Variants in BTG4 observed in about 807,000 individuals in gnomAD.
BTG4 encodes protein BTG4.
A neutral mutation model predicts 19.3 loss-of-function variants in BTG4; 10 were observed. The ratio of observed to expected loss-of-function variants is 0.52; its 90% CI spans 0.32 to 0.88. BTG4 has a LOEUF of 0.88. Ranked by LOEUF, BTG4 falls within the 40% of genes least tolerant of loss-of-function variation. The pLI is 0.04. For synonymous variants in BTG4, 91 were observed against 95.7 expected (o/e 0.95, Z 0.29); for missense variants, 238 against 281.9 (o/e 0.84, Z 1.11).
At chr11:111,478,352 T>C (rs1231605620) in intron 5 of BTG4, among the ~76,000 whole-genome samples, 1 of 152,168 alleles carries the variant, frequency 6.6e-6, no homozygotes. Flanking sequence ...AAAGCAGCAC[T>C]CCCTTCTCTC....
At chr11:111,454,167 G>A in the BTG4 span, 1 of 404,320 alleles carries the variant, frequency 2.5e-6, no homozygotes, top group Non-Finnish European at 4.8e-6. Flanking sequence ...GAAGATGCAT[G>A]GAAGATCTGT....
chr11:111,497,094 A>C (rs552244361), intron 4 of BTG4, 117 bp downstream of exon 4: 1 of 1,047,324 alleles, frequency 9.5e-7, no homozygotes, highest in East Asian at 2.6e-5. Flanking sequence ...TCTGGCTTTT[A>C]AAAATCTACA....
chr11:111,476,135 T>TACACACACACACACAC (rs55989357), intron 5 of BTG4, among the ~76,000 whole-genome samples: 48 of 148,846 alleles, frequency 3.2e-4, no homozygotes, highest in African/African-American at 1.2e-3. Context: ...CCAGAATAGA[T>TACACACACACACACAC]ACACACACAC....
intron 5 of BTG4, among the ~76,000 whole-genome samples, chr11:111,482,791 T>A (rs1864820175): frequency 6.6e-6 from 1 of 151,602 alleles, no homozygotes; most frequent in Non-Finnish European, 1.5e-5. Flanking sequence ...ATACAAAAAA[T>A]TAACTCAAAA....
chr11:111,470,685 G>T (rs11213918), intron 5 of BTG4, among the ~76,000 whole-genome samples: 2 of 152,186 alleles, frequency 1.3e-5, no homozygotes, highest in African/African-American at 2.4e-5. Context: ...GGGAGGCCGA[G>T]GCAGAAAGAT....
At chr11:111,403,204 G>C in the BTG4 span, among the ~76,000 whole-genome samples, 2 of 152,166 alleles carry the variant, frequency 1.3e-5, no homozygotes, top group Non-Finnish European at 2.9e-5. Flanking sequence ...CCTCAAAGTA[G>C]AGCCTCAGGT....
At chr11:111,416,916 C>T in the BTG4 span, 1 of 152,338 alleles carries the variant, frequency 6.6e-6, no homozygotes, top group South Asian at 2.1e-4. Flanking sequence ...AGGAGCCACG[C>T]TGGGCCTGCG....
At chr11:111,496,189 A>G (rs979979607) in intron 4 of BTG4, among the ~76,000 whole-genome samples, 2 of 152,244 alleles carry the variant, frequency 1.3e-5, no homozygotes, top group Non-Finnish European at 2.9e-5. Flanking sequence ...TGTATTATAT[A>G]TGCATATCAT....
chr11:111,500,199 C>T lies in BTG4; in HGVS notation c.-26-1397G>A, dbSNP rs563304968. On this transcript the variant is annotated intron_variant, in intron 1 of 4. Coordinates refer to ENST00000692032, the MANE Select transcript of BTG4 (RefSeq NM_001367975.1). ...CAGATTCTTGGACCTTATTTCAGAT[C>T]TGCTGAAGCAACTCTTCTCAAGGTA... 6.2e-4 allele frequency among the ~76,000 whole-genome samples: 94 copies of T among 152,186 alleles called. 1 individual carries two copies. The highest frequency in any genetic ancestry group is 9.8e-4 in the Admixed American group (15 of 15,298).
chr11:111,404,167 C>G, the BTG4 span, among the ~76,000 whole-genome samples: 1 of 152,160 alleles, frequency 6.6e-6, no homozygotes, highest in African/African-American at 2.4e-5. Flanking sequence ...GTTCTCTTTT[C>G]TTGCCTGCCA....
intron 5 of BTG4, among the ~76,000 whole-genome samples, chr11:111,485,199 A>G (rs1212651372): frequency 6.6e-6 from 1 of 152,102 alleles, no homozygotes; most frequent in East Asian, 1.9e-4. Context: ...TGGACAGATG[A>G]CCCCAATAGA....
the BTG4 span, among the ~76,000 whole-genome samples, chr11:111,437,388 T>G: frequency 1.3e-5 from 2 of 151,930 alleles, no homozygotes; most frequent in East Asian, 3.9e-4. Flanking sequence ...CCCAGATGAG[T>G]CCAGGGACTC....
chr11:111,489,609 AG>A (rs1865288221), intron 5 of BTG4, among the ~76,000 whole-genome samples: 1 of 152,246 alleles, frequency 6.6e-6, no homozygotes, highest in South Asian at 2.1e-4. Flanking sequence ...ATCATGAAAA[AG>A]AATAAAATCT....
At chr11:111,504,735 G>A (rs1476520260) in intron 1 of BTG4, among the ~76,000 whole-genome samples, 2 of 151,910 alleles carry the variant, frequency 1.3e-5, no homozygotes, top group Admixed American at 1.3e-4. Flanking sequence ...GACTCCTCTA[G>A]AAGACTCCTT....
chr11:111,498,081 A>G lies in BTG4; in HGVS notation c.228T>C (p.Cys76=). ...GAGAAAAATCTACATTACTTTCCAC[A>G]CATGCCCTTTCTAGAATGGGATCTT... ...QNKDPILERA[C]VESNVDFSHL... The change falls in exon 3 of 5, where the codon TGT becomes TGC. Residue 76 remains cysteine (C), a synonymous_variant. Transcript: ENST00000692032. 3 of 1,614,140 alleles carry G rather than the reference A, an allele frequency of 1.9e-6. No homozygotes were observed. The highest frequency in any genetic ancestry group is 2.5e-6 in the Non-Finnish European group (3 of 1,179,954).
the BTG4 span, among the ~76,000 whole-genome samples, chr11:111,410,191 T>TC: frequency 6.6e-6 from 1 of 152,088 alleles, no homozygotes; most frequent in Non-Finnish European, 1.5e-5. Context: ...CTCTTTTTTT[T>TC]TTTATACAGG....
the BTG4 span, chr11:111,455,599 C>T: frequency 3.2e-5 from 9 of 284,958 alleles, no homozygotes; most frequent in Non-Finnish European, 4.4e-5. Context: ...AAATCCTCTC[C>T]GGCTGGGCAG....
chr11:111,509,493 G>T (rs1472292959), intron 1 of BTG4, among the ~76,000 whole-genome samples: 1 of 151,944 alleles, frequency 6.6e-6, no homozygotes, highest in African/African-American at 2.4e-5. Context: ...TCAGGAGTTC[G>T]AGACCAGCCT....
At chr11:111,511,455 T>C (rs559538213) in intron 1 of BTG4, among the ~76,000 whole-genome samples, 1 of 152,304 alleles carries the variant, frequency 6.6e-6, no homozygotes, top group East Asian at 1.9e-4. Flanking sequence ...CATTTGCTGG[T>C]TTTAGGGAAT....
Sources: allele counts gnomAD v4.1 joint callset (sites outside exome capture counted in the v4.1 genomes callset), GRCh38; gene constraint gnomAD v4.1.1; transcripts MANE v1.5; gene names NCBI Gene and HGNC (gene_info 2026-07-23, HGNC 2026-07-21).